RB1: variants seen among roughly 807,000 people sequenced by gnomAD.
RB1 encodes the protein RB transcriptional corepressor 1.
In RB1, 18 loss-of-function variants were observed where a neutral mutation model predicts 135.4. The observed-to-expected ratio is 0.13, with a 90% CI of 0.09 to 0.20. The LOEUF is 0.20. Among genes scored for constraint, RB1 ranks in the 10% least tolerant of loss-of-function variants. The pLI is 1.00. For synonymous variants in RB1, 365 were observed against 373.2 expected, an observed-to-expected ratio of 0.98 and a Z score of 0.25; for missense variants, 868 against 1,110.0, an observed-to-expected ratio of 0.78 and a Z score of 3.10.
chr13:48,330,109 A>T lies in RB1; in HGVS notation c.265-12490A>T, dbSNP rs559188227. 6.8e-4 allele frequency among the ~76,000 whole-genome samples: 87 copies of T among 128,542 alleles called. No homozygotes were observed. The South Asian group carries it at 0.018, about 26-fold the overall frequency. The allele number at this position is 128,542 out of a possible 152,430, so 84.3% of individuals were successfully genotyped here. On this transcript the variant is annotated intron_variant, in intron 2 of 26. Transcript: ENST00000267163. ...CAAATAAGAAATCAAAATGGAAATT[A>T]AAAAAAAAAAATGTGATACAAATGA...
chr13:48,313,745 C>CTTTTTTTTTTTTTTTTTT (rs56131979), intron 2 of RB1, among the ~76,000 whole-genome samples: 7 of 101,952 alleles, frequency 6.9e-5, no homozygotes, highest in Non-Finnish European at 1.1e-4. Flanking sequence ...TATGTTTATT[C>CTTTTTTTTTTTTTTTTTT]TTTTTTTTTT....
chr13:48,376,949 T>C lies in RB1; in HGVS notation c.1247T>C (p.Leu416Pro), dbSNP rs1299630954. 1 of 1,613,788 alleles carries C rather than the reference T, an allele frequency of 6.2e-7. No individual in the cohort carries two copies. The highest frequency in any genetic ancestry group is 8.5e-7 in the Non-Finnish European group (1 of 1,179,872). The change falls in exon 13 of 27, where the codon CTG (leucine) becomes CCG (proline). Residue 416 changes from leucine (L) to proline (P), a missense_variant. Around this residue, in one of 3 missense-constraint regions of RB1, gnomAD observed 641 missense variants for 791.3 expected, o/e 0.81. Coordinates refer to ENST00000267163, the MANE Select transcript of RB1 (RefSeq NM_000321.3). ...ACAGTGAATCCAAAAGAAAGTATACTGAAAAGAGTGAAGGATATAGGATAC... is the reference window on the plus strand; with the variant it reads ...ACAGTGAATCCAAAAGAAAGTATACCGAAAAGAGTGAAGGATATAGGATAC... ...NCTVNPKESILKRVKDIGYIF... is the reference protein window; with the variant it reads ...NCTVNPKESIPKRVKDIGYIF...
chr13:48,450,987 G>A (rs565121247), intron 17 of RB1, among the ~76,000 whole-genome samples: 2 of 152,258 alleles, frequency 1.3e-5, no homozygotes, highest in African/African-American at 4.8e-5. Context: ...CTTGCTTATT[G>A]TTGGTGTATA....
At chr13:48,453,216 A>G in intron 18 of RB1, 105 bp downstream of exon 18, 1 of 1,150,774 alleles carries the variant, frequency 8.7e-7, no homozygotes, top group Non-Finnish European at 1.3e-6. Flanking sequence ...AGAATTTTGA[A>G]TAAGAATAGT....
chr13:48,382,407 G>T (rs1349561632), intron 17 of RB1, among the ~76,000 whole-genome samples: 1 of 152,150 alleles, frequency 6.6e-6, no homozygotes. Flanking sequence ...GTGTGAGATG[G>T]TATTTCATTG....
chr13:48,320,254 C>CT, intron 2 of RB1: 4 of 1,160,664 alleles, frequency 3.4e-6, no homozygotes, highest in Non-Finnish European at 4.9e-6. Context: ...GGCGTCTGCC[C>CT]TGTGGCCCCT....
chr13:48,341,548 A>G (rs1952442874), intron 2 of RB1, among the ~76,000 whole-genome samples: 1 of 152,038 alleles, frequency 6.6e-6, no homozygotes, highest in African/African-American at 2.4e-5. Flanking sequence ...TAAGTGTTCC[A>G]TTGCACTACA....
intron 2 of RB1, chr13:48,328,686 C>T (rs1164460106): frequency 2.1e-6 from 1 of 470,686 alleles, no homozygotes; most frequent in African/African-American, 2.0e-5. Flanking sequence ...CCCCAGCTCC[C>T]AGCAGTCAAG....
At chr13:48,340,453 A>C (rs1952432233) in intron 2 of RB1, among the ~76,000 whole-genome samples, 3 of 152,176 alleles carry the variant, frequency 2.0e-5, no homozygotes, top group Non-Finnish European at 4.4e-5. Flanking sequence ...ATTTTATCAT[A>C]TCAGATGATC....
chr13:48,411,370 G>A, intron 17 of RB1: 1 of 1,591,332 alleles, frequency 6.3e-7, no homozygotes, highest in Non-Finnish European at 8.6e-7. Context: ...CTGTCCCAGT[G>A]AGTCCTAATG....
intron 17 of RB1, among the ~76,000 whole-genome samples, chr13:48,409,093 G>A (rs945376313): frequency 4.0e-5 from 6 of 151,062 alleles, no homozygotes; most frequent in Non-Finnish European, 8.9e-5. Context: ...TTTCTCTTGG[G>A]ATATAAAGGA....
intron 18 of RB1, among the ~76,000 whole-genome samples, chr13:48,454,173 G>T (rs1949346080): frequency 1.3e-5 from 2 of 152,214 alleles, no homozygotes; most frequent in Non-Finnish European, 2.9e-5. Flanking sequence ...ACTTGCCTAA[G>T]GTCAATAGAA....
At chr13:48,372,886 A>G (rs1258951038) in intron 11 of RB1, among the ~76,000 whole-genome samples, 1 of 152,200 alleles carries the variant, frequency 6.6e-6, no homozygotes, top group African/African-American at 2.4e-5. Context: ...ATAAAATTAT[A>G]GAATTAACAA....
At chr13:48,397,425 T>C (rs757063623) in intron 17 of RB1, among the ~76,000 whole-genome samples, 12 of 152,142 alleles carry the variant, frequency 7.9e-5, no homozygotes, top group Non-Finnish European at 1.8e-4. Flanking sequence ...TTTTCACTTA[T>C]AAGTTAAAAC....
chr13:48,318,360 C>T, intron 2 of RB1: 4 of 1,447,110 alleles, frequency 2.8e-6, no homozygotes, highest in Non-Finnish European at 3.7e-6. Context: ...TTCCCTGCAC[C>T]TCTTCTTGAG....
intron 19 of RB1, among the ~76,000 whole-genome samples, chr13:48,456,690 G>A (rs1313599344): frequency 6.6e-6 from 1 of 152,202 alleles, no homozygotes; most frequent in Non-Finnish European, 1.5e-5. Flanking sequence ...GACATGGAAC[G>A]GAGAGGGGTG....
In RB1 at chr13:48,350,792, C is replaced by T. The variant is rs576497125; in HGVS notation, c.607+1769C>T. 7.9e-5 allele frequency among the ~76,000 whole-genome samples: 12 copies of T among 152,032 alleles called. No homozygotes were observed. The South Asian group carries it at 1.9e-3, about 24-fold the overall frequency. The stretch of plus-strand genomic sequence containing the variant: ...TTCCATCTTTGTGTTCTTCAGTTTT[C>T]ATCATTTAGCTCCCACTTATAAGTG... On this transcript the variant is annotated intron_variant, in intron 6 of 26. Coordinates refer to ENST00000267163, the MANE Select transcript of RB1 (RefSeq NM_000321.3).
chr13:48,381,702 T>A (rs1948537538), intron 17 of RB1, among the ~76,000 whole-genome samples: 1 of 146,698 alleles, frequency 6.8e-6, no homozygotes, highest in Non-Finnish European at 1.5e-5. Context: ...ACAAAACGGA[T>A]TTTTTTTTTA....
At chr13:48,412,850 T>A (rs1948840696) in intron 17 of RB1, 1 of 198,698 alleles carries the variant, frequency 5.0e-6, no homozygotes, top group Admixed American at 5.6e-5. Context: ...TCTTTATGCC[T>A]CAGAATGTTA....
Sources: gnomAD v4.1 joint callset for allele counts (sites outside exome capture counted in the v4.1 genomes callset) on GRCh38, gnomAD v4.1.1 for gene constraint, gnomAD v4.1.1 regional missense constraint, MANE v1.5 for transcripts, NCBI Gene and HGNC (gene_info 2026-07-23, HGNC 2026-07-21) for gene names.